ZNF99: variants seen among roughly 807,000 people sequenced by gnomAD.
ZNF99 encodes zinc finger protein 99.
A neutral mutation model predicts 12.8 loss-of-function variants in ZNF99; 8 were observed. The observed-to-expected ratio is 0.62, with a 90% CI of 0.37 to 1.13. The LOEUF (loss-of-function observed/expected upper bound fraction) is 1.13, where lower values mean the gene tolerates loss of function less well. Among genes scored for constraint, ZNF99 ranks in the 50% most tolerant of loss-of-function variants. The pLI is 0.02. For synonymous variants in ZNF99, 318 were observed against 319.0 expected (o/e 1.00, Z 0.03); for missense variants, 1,007 against 1,006.2 (o/e 1.00, Z -0.01).
chr19:22,771,714 C>CTTTT (rs34457637), intron 1 of ZNF99, among the ~76,000 whole-genome samples: 3 of 91,136 alleles, frequency 3.3e-5, no homozygotes, highest in Non-Finnish European at 4.3e-5. Flanking sequence ...ACAGGTGAAA[C>CTTTT]TTTTTTTTTT....
intron 1 of ZNF99, among the ~76,000 whole-genome samples, chr19:22,771,864 T>G (rs1396187055): frequency 6.9e-6 from 1 of 144,472 alleles, no homozygotes; most frequent in African/African-American, 2.6e-5. Context: ...ATTACAGGCG[T>G]GTGCCACCAC....
Position 22,757,776 on chromosome 19 carries a change from G to C in ZNF99, c.2133C>G (p.Gly711=), listed in dbSNP as rs1326244367. ...GAGTTGAGGACTGGCTAAAAGCTTT[G>C]CCACATTCTTCACATTTGTAGGGTT... ...GKKPYKCEEC[G]KAFSQSSTLR... Residue 711 remains glycine (G), a synonymous_variant, in exon 4 of 4, where the codon GGC becomes GGG. Transcript: ENST00000596209. The C allele has an allele frequency of 1.2e-6, 2 of 1,611,970 alleles. No individual in the cohort carries two copies. Among genetic ancestry groups the C allele is most frequent in the Non-Finnish European group, 1.7e-6 (2 of 1,179,530 alleles).
intron 1 of ZNF99, among the ~76,000 whole-genome samples, chr19:22,779,726 C>CTAAAA (rs1227860272): frequency 6.6e-6 from 1 of 152,008 alleles, no homozygotes; most frequent in Admixed American, 6.5e-5. Context: ...ATTCTCTGAT[C>CTAAAA]TAAAATCTCT....
chr19:22,777,756 G>A (rs1050616177), intron 1 of ZNF99, among the ~76,000 whole-genome samples: 3 of 152,086 alleles, frequency 2.0e-5, no homozygotes, highest in Non-Finnish European at 4.4e-5. Context: ...CAGGAGACTT[G>A]TAGACACTTG....
Position 22,759,661 on chromosome 19 carries a change from T to C in ZNF99, c.248A>G (p.Gln83Arg). The C allele has an allele frequency of 1.9e-6, 3 of 1,546,674 alleles. No homozygotes were observed. The highest frequency in any genetic ancestry group is 2.6e-6 in the Non-Finnish European group (3 of 1,154,200). ...TATGCTCTGATCTGGCCAAAAGTCT[T>C]GTGTAAAATGAGAACTAATAACTGG... ...KPPVISSHFT[Q>R]DFWPDQSIKD... The change falls in exon 4 of 4, where the codon CAA becomes CGA. Residue 83 changes from glutamine to arginine, a missense_variant. By Grantham distance (43) the Gln-to-Arg change is conservative. Transcript: ENST00000596209.
intron 1 of ZNF99, among the ~76,000 whole-genome samples, chr19:22,775,490 T>C (rs1973315777): frequency 6.6e-6 from 1 of 152,116 alleles, no homozygotes; most frequent in Non-Finnish European, 1.5e-5. Flanking sequence ...ATTTTACACA[T>C]GGGAACTAAC....
In ZNF99 at chr19:22,756,570, T is replaced by A; in HGVS notation, c.*744A>T. The A allele has an allele frequency of 1.9e-6, 3 of 1,599,706 alleles. 1 individual carries two copies. The highest frequency in any genetic ancestry group is 2.6e-6 in the Non-Finnish European group (3 of 1,176,254). On this transcript the variant is annotated 3_prime_UTR_variant, in exon 4 of 4. Transcript: ENST00000596209. ...TCTCTCCAGTATGAATTGATTTATG[T>A]TTAGTAAGGTGTGAGGATTGCTTAA...
At chr19:22,781,663 A>C (rs899921338) in intron 1 of ZNF99, among the ~76,000 whole-genome samples, 15 of 152,040 alleles carry the variant, frequency 9.9e-5, no homozygotes, top group African/African-American at 3.6e-4. Context: ...TTTCAAAGGA[A>C]GAGTATACCA....
intron 1 of ZNF99, 44 bp from the exon 2 acceptor site, chr19:22,769,368 A>G (rs767265962): frequency 3.2e-5 from 50 of 1,567,822 alleles, no homozygotes; most frequent in Non-Finnish European, 4.2e-5. Context: ...CCAATTGGCC[A>G]TGGACAGAAT....
intron 3 of ZNF99, among the ~76,000 whole-genome samples, chr19:22,767,010 A>G (rs1973211488): frequency 6.6e-6 from 1 of 151,212 alleles, no homozygotes; most frequent in African/African-American, 2.4e-5. Context: ...ATAAAAAGAA[A>G]TGTAATTCCA....
chr19:22,777,336 G>A (rs189033797), intron 1 of ZNF99, among the ~76,000 whole-genome samples: 1 of 152,196 alleles, frequency 6.6e-6, no homozygotes, highest in Admixed American at 6.5e-5. Flanking sequence ...ATTAGTAAGA[G>A]CTAAATAATG....
chr19:22,782,276 T>A lies in ZNF99; in HGVS notation c.3+1738A>T, dbSNP rs149435886. 4.4e-3 allele frequency among the ~76,000 whole-genome samples: 664 copies of A among 152,156 alleles called. 8 individuals carry two copies. The highest frequency in any genetic ancestry group is 0.015 in the African/African-American group (634 of 41,526). On this transcript the variant is annotated intron_variant, in intron 1 of 3. Coordinates refer to ENST00000596209, the MANE Select transcript of ZNF99 (RefSeq NM_001080409.3). ...AAAAAATGGAGGGGAAAATCAGTCATCTGAGGAGTGTGAAAATAATTAAAA... is the reference window on the plus strand; with the variant it reads ...AAAAAATGGAGGGGAAAATCAGTCAACTGAGGAGTGTGAAAATAATTAAAA...
At chr19:22,782,432 C>T (rs1973398111) in intron 1 of ZNF99, among the ~76,000 whole-genome samples, 1 of 151,584 alleles carries the variant, frequency 6.6e-6, no homozygotes, top group African/African-American at 2.4e-5. Flanking sequence ...CTCGGCTCAC[C>T]GCAACCTCTA....
At chr19:22,776,899 A>G (rs905907159) in intron 1 of ZNF99, among the ~76,000 whole-genome samples, 7 of 151,886 alleles carry the variant, frequency 4.6e-5, no homozygotes, top group Admixed American at 3.9e-4. Flanking sequence ...TAGTTCCAGC[A>G]CTCTGGGAGG....
rs1568383555 is a variant in ZNF99, at chr19:22,758,905, T to G, written c.1004A>C (p.His335Pro). 1.9e-6 allele frequency: 3 copies of G among 1,613,868 alleles called. No homozygotes were observed. Among genetic ancestry groups the G allele is most frequent in the Non-Finnish European group, 2.5e-6 (3 of 1,179,912 alleles). The change falls in exon 4 of 4, where the codon CAT becomes CCT. Residue 335 changes from histidine (H) to proline (P), a missense_variant. Coordinates refer to ENST00000596209, the MANE Select transcript of ZNF99 (RefSeq NM_001080409.3). Reference sequence around the variant, plus strand: ...ACATTTGTAGGGTTTCTTTCCAGTATGAATTATCTGATGTTTTCTAAGGGC... The same window carrying G: ...ACATTTGTAGGGTTTCTTTCCAGTAGGAATTATCTGATGTTTTCTAAGGGC... ...FSALRKHQIIHTGKKPYKCEE... is the reference protein window; with the variant it reads ...FSALRKHQIIPTGKKPYKCEE...
At chr19:22,762,576 C>G (rs754120740) in intron 3 of ZNF99, among the ~76,000 whole-genome samples, 12 of 152,012 alleles carry the variant, frequency 7.9e-5, no homozygotes, top group Non-Finnish European at 1.5e-4. Flanking sequence ...GAATTGATAC[C>G]AATTCTATTG....
Position 22,754,036 on chromosome 19 carries a change from A to C in ZNF99, c.*3278T>G, listed in dbSNP as rs1345864214. 4.8e-5 allele frequency: 22 copies of C among 455,886 alleles called. 1 individual carries two copies. Among genetic ancestry groups the C allele is most frequent in the South Asian group, 3.4e-4 (22 of 64,560 alleles). The allele number at this position is 455,886 out of a possible 1,614,324, so 28.2% of individuals were successfully genotyped here. On this transcript the variant is annotated 3_prime_UTR_variant, in exon 4 of 4. Transcript: ENST00000596209. ...TTTTAGGTTTGTAGAGCTTCTCTCC[A>C]GTATGATTTGATAACTTATTAAAAA...
In ZNF99 at chr19:22,767,883, G is replaced by T. The variant is rs533874470; in HGVS notation, c.226+422C>A. Among the ~76,000 whole-genome samples the T allele has an allele frequency of 3.3e-5, 5 of 152,286 alleles. No individual in the cohort carries two copies. In the East Asian group the frequency reaches 7.7e-4, roughly 24 times the overall value. On this transcript the variant is annotated intron_variant, in intron 3 of 3. Transcript: ENST00000596209. ...TCTGTTTCTGGTGTGTTCTCAGGAA[G>T]CTTATGATCATAGTGGAAAGCGAAG...
At chr19:22,783,501 C>T (rs1037887967) in intron 1 of ZNF99, among the ~76,000 whole-genome samples, 5 of 152,190 alleles carry the variant, frequency 3.3e-5, no homozygotes, top group Admixed American at 1.3e-4. Context: ...CCTTATAAAA[C>T]TCTTTCCGTC....
Sources: allele counts gnomAD v4.1 joint callset (sites outside exome capture counted in the v4.1 genomes callset), GRCh38; gene constraint gnomAD v4.1.1; transcripts MANE v1.5; gene names NCBI Gene and HGNC (gene_info 2026-07-23, HGNC 2026-07-21).